The following CDH13 variants were observed in gnomAD, a reference collection of about 807,000 sequenced individuals.
CDH13 encodes the protein cadherin-13.
A neutral mutation model predicts 63.8 loss-of-function variants in CDH13; 24 were observed. The observed-to-expected ratio is 0.38, with a 90% CI of 0.27 to 0.53. The LOEUF is 0.53. CDH13 is among the 20% of genes least tolerant of loss of function. The probability of loss-of-function intolerance (pLI) is 0.85; values close to 1 mark genes in which losing one functional copy is unlikely to be tolerated. For synonymous variants in CDH13, 503 were observed against 355.3 expected (o/e 1.42, Z -4.67); for missense variants, 1,049 against 903.1 (o/e 1.16, Z -2.07).
intron 2 of CDH13, among the ~76,000 whole-genome samples, chr16:83,003,913 T>C (rs879446473): frequency 5.9e-5 from 9 of 152,198 alleles, no homozygotes; most frequent in Non-Finnish European, 8.8e-5. Flanking sequence ...CTTTAGTTTG[T>C]TTTGGGGAAA....
At chr16:83,610,270 A>G (rs369392884) in intron 8 of CDH13, among the ~76,000 whole-genome samples, 15 of 152,222 alleles carry the variant, frequency 9.9e-5, no homozygotes, top group African/African-American at 3.4e-4. Flanking sequence ...ATCACTCCAA[A>G]TTAGTAATCT....
intron 1 of CDH13, among the ~76,000 whole-genome samples, chr16:82,712,688 CT>C (rs536851063): frequency 6.6e-6 from 1 of 152,320 alleles, no homozygotes; most frequent in Non-Finnish European, 1.5e-5. Context: ...GTCAGGCCCC[CT>C]GAAGCCGCAG....
chr16:83,573,489 T>TC (rs1904831803), intron 7 of CDH13, among the ~76,000 whole-genome samples: 5 of 152,134 alleles, frequency 3.3e-5, no homozygotes, highest in Admixed American at 3.3e-4. Context: ...TGCTATCTCT[T>TC]CCCTTTTTTG....
chr16:83,157,181 CTTT>C (rs1269901526), intron 4 of CDH13, among the ~76,000 whole-genome samples: 1 of 152,122 alleles, frequency 6.6e-6, no homozygotes, highest in African/African-American at 2.4e-5. Context: ...AGTTAAATTA[CTTT>C]TTAATAGCTA....
intron 10 of CDH13, among the ~76,000 whole-genome samples, chr16:83,681,246 C>A (rs904365300): frequency 6.6e-6 from 1 of 152,162 alleles, no homozygotes; most frequent in Non-Finnish European, 1.5e-5. Flanking sequence ...AATCAGGAAC[C>A]ACAGAGAGCC....
chr16:83,608,858 A>ACCTCTAATAG (rs1293055005), intron 8 of CDH13, among the ~76,000 whole-genome samples: 2 of 152,070 alleles, frequency 1.3e-5, no homozygotes, highest in East Asian at 3.9e-4. Context: ...GCCTAATACA[A>ACCTCTAATAG]CCTCTAATAG....
At chr16:83,521,920 A>G (rs4074373) in intron 7 of CDH13, among the ~76,000 whole-genome samples, 15,528 of 152,304 alleles carry the variant, frequency 0.1, 884 homozygotes, top group South Asian at 0.17. Flanking sequence ...AGTTTAAATG[A>G]AAGAGTGTAG....
At chr16:82,827,172 AGTT>A (rs1425766203) in intron 1 of CDH13, among the ~76,000 whole-genome samples, 1 of 152,152 alleles carries the variant, frequency 6.6e-6, no homozygotes, top group African/African-American at 2.4e-5. Flanking sequence ...AGTAAAATGT[AGTT>A]GTTGGACTCT....
chr16:83,714,063 A>G (rs779519230), intron 10 of CDH13, among the ~76,000 whole-genome samples: 74 of 152,250 alleles, frequency 4.9e-4, no homozygotes, highest in Non-Finnish European at 9.6e-4. Flanking sequence ...CACTGGCCCC[A>G]TCCAAAACTC....
chr16:83,740,311 T>G (rs893877862), intron 10 of CDH13, among the ~76,000 whole-genome samples: 4 of 151,892 alleles, frequency 2.6e-5, no homozygotes, highest in African/African-American at 4.8e-5. Flanking sequence ...CTCTGTGATT[T>G]AACACTGGCT....
intron 1 of CDH13, among the ~76,000 whole-genome samples, chr16:82,661,406 C>T (rs1911929357): frequency 6.6e-6 from 1 of 152,222 alleles, no homozygotes; most frequent in African/African-American, 2.4e-5. Flanking sequence ...GTTTGTCCTG[C>T]TTTAGTACGC....
At chr16:83,383,763 C>T (rs1006221109) in intron 6 of CDH13, among the ~76,000 whole-genome samples, 1 of 152,114 alleles carries the variant, frequency 6.6e-6, no homozygotes, top group African/African-American at 2.4e-5. Flanking sequence ...ATGAGATATT[C>T]TGAACTCATG....
rs77684890 is a variant in CDH13 at position 83,214,688 on chromosome 16, A to G, written c.484-2657A>G. Among the ~76,000 whole-genome samples, 883 of 151,568 alleles carry G rather than the reference A, an allele frequency of 5.8e-3. 4 individuals carry two copies. The highest frequency in any genetic ancestry group is 0.014 in the Middle Eastern group (4 of 294). ...GTGTAATTTTATTGTGATGATTAAT[A>G]TTGGAATTATTAGCTTTGATTAACT... On this transcript the variant is annotated intron_variant, in intron 4 of 13. Transcript: ENST00000567109.
At chr16:83,241,042 T>G (rs189514383) in intron 5 of CDH13, among the ~76,000 whole-genome samples, 8 of 152,330 alleles carry the variant, frequency 5.3e-5, no homozygotes, top group Admixed American at 2.0e-4. Flanking sequence ...TCTGTGATCT[T>G]GACTGCTTTA....
rs562583068 is a variant in CDH13, at chr16:83,579,828, T to C, written c.961-22626T>C. ...AAATGTAGGCATGGGTATAACACAGTGTGGGGGCAGAAAACTGGACTCCCA... is the reference window on the plus strand; with the variant it reads ...AAATGTAGGCATGGGTATAACACAGCGTGGGGGCAGAAAACTGGACTCCCA... On this transcript the variant is annotated intron_variant, in intron 7 of 13. Transcript: ENST00000567109. 2.0e-5 allele frequency among the ~76,000 whole-genome samples: 3 copies of C among 151,710 alleles called. No individual in the cohort carries two copies. The East Asian group carries it at 5.8e-4, about 29-fold the overall frequency.
rs56692922 is a variant in CDH13 at position 83,447,053 on chromosome 16, T to TAAAA, written c.782-39406_782-39403dup. On this transcript the variant is annotated intron_variant, in intron 6 of 13. Transcript: ENST00000567109. ...TACCACCACCACTGGTCACCCGTCT[T>TAAAA]AAAAAAAAAAAAAAAAAAAAACAAA... Among the ~76,000 whole-genome samples, 60 of 64,288 alleles carry TAAAA rather than the reference T, an allele frequency of 9.3e-4. 1 individual carries two copies. Among genetic ancestry groups the TAAAA allele is most frequent in the African/African-American group, 2.7e-3 (55 of 20,378 alleles). 42.2% of individuals were successfully genotyped at this position (64,288 alleles called of 152,430 possible).
intron 8 of CDH13, among the ~76,000 whole-genome samples, chr16:83,645,802 G>A (rs1187501712): frequency 6.6e-6 from 1 of 152,004 alleles, no homozygotes; most frequent in Non-Finnish European, 1.5e-5. Flanking sequence ...ATCATTTCCT[G>A]TAAATCTAGC....
rs115581363 is a variant in CDH13 at position 83,511,012 on chromosome 16, C to T, written c.960+24357C>T. ...TGCACACATTGGTATTACCATCTTC[C>T]CACACACATACACGGACACGCACGC... is the stretch of plus-strand genomic sequence containing the variant. On this transcript the variant is annotated intron_variant, in intron 7 of 13. Transcript: ENST00000567109. 3.9e-3 allele frequency among the ~76,000 whole-genome samples: 597 copies of T among 152,360 alleles called. 3 individuals carry two copies. Among genetic ancestry groups the T allele is most frequent in the African/African-American group, 0.014 (569 of 41,588 alleles).
rs1303048516 is a variant in CDH13, at chr16:83,467,980, T to C, written c.782-18497T>C. On this transcript the variant is annotated intron_variant, in intron 6 of 13. Transcript: ENST00000567109. ...AGCAAAGTTGCCTCTTTTTCTCCTC[T>C]GGTTCCATTCTTCACTCTGGCAGTC... is the stretch of plus-strand genomic sequence containing the variant. Among the ~76,000 whole-genome samples the C allele has an allele frequency of 2.0e-5, 3 of 152,190 alleles. 1 individual carries two copies. The highest frequency in any genetic ancestry group is 4.1e-4 in the South Asian group (2 of 4,832).
Sources: allele counts gnomAD v4.1 joint callset (sites outside exome capture counted in the v4.1 genomes callset), GRCh38; gene constraint gnomAD v4.1.1; transcripts MANE v1.5; gene names NCBI Gene and HGNC (gene_info 2026-07-23, HGNC 2026-07-21).